Variants in PIGU observed in about 807,000 individuals in gnomAD.
The protein encoded by PIGU is GPI-anchor transamidase component PIGU.
In PIGU, 24 loss-of-function variants were observed where a neutral mutation model predicts 49.9. The observed-to-expected ratio is 0.48, with a 90% confidence interval of 0.35 to 0.68. The LOEUF is 0.68. Ranked by LOEUF, PIGU falls within the 30% of genes least tolerant of loss-of-function variation. The pLI, the probability that PIGU is intolerant of heterozygous loss-of-function variation, is 0.01. For synonymous variants in PIGU, 220 were observed against 205.7 expected (o/e 1.07, Z -0.59); for missense variants, 490 against 532.6 (o/e 0.92, Z 0.79).
intron 11 of PIGU, among the ~76,000 whole-genome samples, chr20:34,571,033 CCT>C (rs1982993212): frequency 1.3e-5 from 2 of 152,198 alleles, no homozygotes; most frequent in African/African-American, 4.8e-5. Context: ...TATGTCCAAT[CCT>C]CTCAACACCC....
At chr20:34,574,976 G>A (rs896633584) in intron 11 of PIGU, 128 bp downstream of exon 11, 6 of 1,267,780 alleles carry the variant, frequency 4.7e-6, no homozygotes, top group Non-Finnish European at 6.7e-6. Context: ...GGAGCTACTT[G>A]AGGGGAGTAA....
At chr20:34,656,877 A>G (rs1986721508) in intron 2 of PIGU, among the ~76,000 whole-genome samples, 1 of 152,216 alleles carries the variant, frequency 6.6e-6, no homozygotes. Context: ...ACAACAAATT[A>G]CATGCTAATT....
intron 6 of PIGU, among the ~76,000 whole-genome samples, chr20:34,630,632 T>C (rs766324453): frequency 2.0e-5 from 3 of 152,056 alleles, no homozygotes; most frequent in Non-Finnish European, 4.4e-5. Context: ...AATATGTTAG[T>C]GCTTCATTTA....
rs192343814 is a variant in PIGU, at chr20:34,668,265, C to G, written c.130+8691G>C. Among the ~76,000 whole-genome samples the G allele has an allele frequency of 9.9e-5, 15 of 151,858 alleles. No individual in the cohort carries two copies. The East Asian group carries it at 2.9e-3, about 30-fold the overall frequency. On this transcript the variant is annotated intron_variant, in intron 1 of 11. Coordinates refer to ENST00000217446, the MANE Select transcript of PIGU (RefSeq NM_080476.5). ...ATCACCTGAGGTCAGGAATTCGATA[C>G]CAGCCTGGCCAGCATGGTGAAACCC...
chr20:34,606,242 G>A (rs1356344885), intron 7 of PIGU, among the ~76,000 whole-genome samples: 4 of 133,462 alleles, frequency 3.0e-5, no homozygotes, highest in African/African-American at 1.1e-4. Flanking sequence ...GCGACAGAGT[G>A]AGACTCCGTC....
At chr20:34,673,878 C>T (rs1298547995) in intron 1 of PIGU, among the ~76,000 whole-genome samples, 1 of 151,660 alleles carries the variant, frequency 6.6e-6, no homozygotes, top group African/African-American at 2.4e-5. Flanking sequence ...TATGGTGAAA[C>T]CTCGTGTCTA....
chr20:34,567,272 G>A (rs529222376), intron 11 of PIGU, among the ~76,000 whole-genome samples: 15 of 152,318 alleles, frequency 9.8e-5, no homozygotes, highest in Admixed American at 6.5e-4. Context: ...AGGCCGGAGC[G>A]GACATTATGT....
At chr20:34,574,168 G>A (rs1271523125) in intron 11 of PIGU, among the ~76,000 whole-genome samples, 1 of 152,240 alleles carries the variant, frequency 6.6e-6, no homozygotes, top group Non-Finnish European at 1.5e-5. Flanking sequence ...TGACCTGAGA[G>A]AAGGCAGCAC....
chr20:34,600,745 C>G (rs1361017573), intron 7 of PIGU, among the ~76,000 whole-genome samples: 3 of 151,982 alleles, frequency 2.0e-5, no homozygotes, highest in African/African-American at 7.3e-5. Context: ...CTGTTAAAAG[C>G]AGTTATTGGC....
intron 1 of PIGU, among the ~76,000 whole-genome samples, chr20:34,657,667 C>T (rs551939401): frequency 2.6e-5 from 4 of 152,216 alleles, no homozygotes; most frequent in Middle Eastern, 6.8e-3. Flanking sequence ...ATTAACTTTT[C>T]GACAGGGCAA....
chr20:34,562,656 T>C, intron 11 of PIGU: 1 of 993,712 alleles, frequency 1.0e-6, no homozygotes, highest in Non-Finnish European at 1.4e-6. Flanking sequence ...CCTGGAGCAC[T>C]GGACTAATGG....
At chr20:34,640,492 C>T (rs929050972) in intron 4 of PIGU, among the ~76,000 whole-genome samples, 22 of 46,706 alleles carry the variant, frequency 4.7e-4, no homozygotes, top group Non-Finnish European at 7.8e-4. Flanking sequence ...CACACATGTG[C>T]GCACGCGCAC....
At chr20:34,653,808 G>C (rs891555281) in intron 2 of PIGU, among the ~76,000 whole-genome samples, 1 of 152,076 alleles carries the variant, frequency 6.6e-6, no homozygotes, top group African/African-American at 2.4e-5. Flanking sequence ...ACATGAGCCA[G>C]GAAAAGGATA....
At chr20:34,612,494 G>A (rs976196626) in intron 7 of PIGU, among the ~76,000 whole-genome samples, 3 of 151,656 alleles carry the variant, frequency 2.0e-5, no homozygotes, top group Non-Finnish European at 4.4e-5. Context: ...ACAAACCTGC[G>A]CATTCAGCAC....
At chr20:34,581,708 G>C in intron 9 of PIGU, 36 bp from the exon 10 acceptor site, 2 of 1,606,924 alleles carry the variant, frequency 1.2e-6, no homozygotes, top group Non-Finnish European at 1.7e-6. Context: ...AGAGAGATGA[G>C]TCAGGGACCA....
intron 6 of PIGU, among the ~76,000 whole-genome samples, chr20:34,625,801 ATGGGAGGATGGGG>A (rs1445305114): frequency 6.6e-6 from 1 of 151,360 alleles, no homozygotes; most frequent in African/African-American, 2.4e-5. Flanking sequence ...TCTCAGCTAC[ATGGGAGGATGGGG>A]TGGGAGGATC....
intron 7 of PIGU, among the ~76,000 whole-genome samples, chr20:34,609,331 T>C (rs1480621783): frequency 6.6e-6 from 1 of 151,966 alleles, no homozygotes; most frequent in Non-Finnish European, 1.5e-5. Flanking sequence ...ATATTTCCTC[T>C]TCTGTTTCCA....
intron 8 of PIGU, among the ~76,000 whole-genome samples, chr20:34,586,019 G>A (rs1358351924): frequency 5.3e-5 from 8 of 152,114 alleles, no homozygotes; most frequent in African/African-American, 1.4e-4. Flanking sequence ...CCCCACAGCA[G>A]GAGTCAGAAA....
chr20:34,563,447 A>G (rs1262946266), intron 11 of PIGU, among the ~76,000 whole-genome samples: 2 of 152,156 alleles, frequency 1.3e-5, no homozygotes, highest in African/African-American at 4.8e-5. Flanking sequence ...CATGCCTGTA[A>G]TCCCAGCTAC....
Sources: gnomAD v4.1 joint callset for allele counts (sites outside exome capture counted in the v4.1 genomes callset) on GRCh38, gnomAD v4.1.1 for gene constraint, MANE v1.5 for transcripts, NCBI Gene and HGNC (gene_info 2026-07-23, HGNC 2026-07-21) for gene names.